The following TMEM132C variants were observed in gnomAD, a reference collection of about 807,000 sequenced individuals.
The protein encoded by TMEM132C is transmembrane protein 132C.
Under a neutral mutation model 61.4 loss-of-function variants are expected in TMEM132C, and 29 were observed. The ratio of observed to expected loss-of-function variants is 0.47; its 90% CI spans 0.35 to 0.64. The LOEUF (loss-of-function observed/expected upper bound fraction) is 0.64. Among genes scored for constraint, TMEM132C ranks in the 30% least tolerant of loss-of-function variants. The pLI is 0.00. For missense variants in TMEM132C, 1,408 were observed against 1,476.9 expected, an observed-to-expected ratio of 0.95 and a Z score of 0.76; for synonymous variants, 656 against 633.1, an observed-to-expected ratio of 1.04 and a Z score of -0.54.
chr12:128,590,282 T>G (rs1459666065), intron 3 of TMEM132C, among the ~76,000 whole-genome samples: 1 of 152,204 alleles, frequency 6.6e-6, no homozygotes, highest in Non-Finnish European at 1.5e-5. Flanking sequence ...TACTACTGCC[T>G]GTTATGATGT....
intron 2 of TMEM132C, among the ~76,000 whole-genome samples, chr12:128,525,772 T>C (rs1873066631): frequency 1.3e-5 from 2 of 152,202 alleles, no homozygotes; most frequent in South Asian, 4.1e-4. Flanking sequence ...GTTAGCCTTC[T>C]GGAGAAATAC....
intron 2 of TMEM132C, among the ~76,000 whole-genome samples, chr12:128,476,968 A>G (rs1031027906): frequency 1.3e-5 from 2 of 152,220 alleles, no homozygotes; most frequent in Non-Finnish European, 2.9e-5. Context: ...TTTCACTTGG[A>G]CTTAAAATAT....
At position 128,669,566 on chromosome 12, in the gene TMEM132C, T is replaced by C; in HGVS notation, c.1449+6T>C. On this transcript the variant is annotated splice_donor_region_variant and intron_variant, in intron 5 of 8. Coordinates refer to ENST00000435159, the MANE Select transcript of TMEM132C (RefSeq NM_001136103.3). ...CAGACGAGGACGTTATCAAAGTAAG[T>C]CATTCCACAGCCAGCTGGATGGAAC... 1.3e-6 allele frequency: 2 copies of C among 1,551,052 alleles called. No homozygotes were observed. The highest frequency in any genetic ancestry group is 2.0e-5 in the Admixed American group (1 of 50,922).
chr12:128,281,263 G>A (rs1325533079), intron 1 of TMEM132C, among the ~76,000 whole-genome samples: 2 of 152,172 alleles, frequency 1.3e-5, no homozygotes, highest in Non-Finnish European at 2.9e-5. Flanking sequence ...ACAAGAGGTG[G>A]CCCGAGTGCC....
intron 1 of TMEM132C, among the ~76,000 whole-genome samples, chr12:128,377,825 CA>C (rs1232769542): frequency 6.6e-6 from 1 of 152,190 alleles, no homozygotes; most frequent in African/African-American, 2.4e-5. Flanking sequence ...GCGGACTCGT[CA>C]ACATTGCTCT....
chr12:128,434,749 C>A (rs1402121013), intron 2 of TMEM132C, among the ~76,000 whole-genome samples: 3 of 152,086 alleles, frequency 2.0e-5, no homozygotes, highest in African/African-American at 7.2e-5. Context: ...ACTACAGGCA[C>A]ATGCCACTAT....
intron 1 of TMEM132C, among the ~76,000 whole-genome samples, chr12:128,371,244 A>G (rs771165455): frequency 1.3e-5 from 2 of 152,138 alleles, no homozygotes; most frequent in South Asian, 2.1e-4. Flanking sequence ...CCTTTTTCTC[A>G]TAGCAGCACA....
chr12:128,589,494 T>A (rs1157030378), intron 3 of TMEM132C, among the ~76,000 whole-genome samples: 1 of 152,010 alleles, frequency 6.6e-6, no homozygotes, highest in South Asian at 2.1e-4. Flanking sequence ...ATCCACAGCC[T>A]GCACCTCCCC....
At chr12:128,416,418 A>G (rs1868783775) in intron 2 of TMEM132C, among the ~76,000 whole-genome samples, 1 of 152,270 alleles carries the variant, frequency 6.6e-6, no homozygotes, top group Non-Finnish European at 1.5e-5. Context: ...TAATAATGAA[A>G]GAAGTATTTG....
chr12:128,338,646 C>A (rs1331113051), intron 1 of TMEM132C, among the ~76,000 whole-genome samples: 1 of 151,852 alleles, frequency 6.6e-6, no homozygotes, highest in East Asian at 1.9e-4. Context: ...TCTCAGCGGG[C>A]CCCCTCCCAC....
At chr12:128,575,364 A>T (rs1296949186) in intron 3 of TMEM132C, among the ~76,000 whole-genome samples, 1 of 152,214 alleles carries the variant, frequency 6.6e-6, no homozygotes, top group African/African-American at 2.4e-5. Flanking sequence ...CTATAGTCCC[A>T]GCTACTGGGG....
intron 2 of TMEM132C, among the ~76,000 whole-genome samples, chr12:128,522,547 A>C (rs1378257958): frequency 6.6e-6 from 1 of 152,198 alleles, no homozygotes; most frequent in Non-Finnish European, 1.5e-5. Context: ...AACCTTCATC[A>C]TTGGTTAGTG....
At chr12:128,639,618 T>G (rs1345763806) in intron 4 of TMEM132C, among the ~76,000 whole-genome samples, 1 of 152,196 alleles carries the variant, frequency 6.6e-6, no homozygotes, top group Non-Finnish European at 1.5e-5. Context: ...ATAAATTAAC[T>G]CTGAGAGCAG....
rs143015936 is a variant in TMEM132C, at chr12:128,497,632, G to T, written c.975-46325G>T. ...CGTGGGCATGGGACCCTCTGAGCCA[G>T]GTGCGGGATATAATCTCCTGGTGTG... On this transcript the variant is annotated intron_variant, in intron 2 of 8. Coordinates refer to ENST00000435159, the MANE Select transcript of TMEM132C (RefSeq NM_001136103.3). Among the ~76,000 whole-genome samples, 1,180 of 152,316 alleles carry T rather than the reference G, an allele frequency of 7.7e-3. 14 individuals are homozygous for T. The highest frequency in any genetic ancestry group is 0.027 in the African/African-American group (1,116 of 41,568).
intron 2 of TMEM132C, among the ~76,000 whole-genome samples, chr12:128,467,759 A>G (rs1299342646): frequency 6.6e-6 from 1 of 152,184 alleles, no homozygotes; most frequent in Non-Finnish European, 1.5e-5. Context: ...CATCTGGAGC[A>G]AGCTGCCCTC....
chr12:128,401,597 T>G (rs898944232), intron 1 of TMEM132C, among the ~76,000 whole-genome samples: 8 of 152,124 alleles, frequency 5.3e-5, no homozygotes, highest in African/African-American at 1.9e-4. Flanking sequence ...TTAGATAAGT[T>G]TCATCAAAGT....
intron 1 of TMEM132C, among the ~76,000 whole-genome samples, chr12:128,397,368 T>G (rs1460708388): frequency 3.3e-5 from 5 of 152,112 alleles, no homozygotes; most frequent in Non-Finnish European, 5.9e-5. Flanking sequence ...CCTTTTTTTG[T>G]GGTTTGTGAG....
chr12:128,635,773 C>A (rs1362904276), intron 4 of TMEM132C, among the ~76,000 whole-genome samples: 1 of 152,172 alleles, frequency 6.6e-6, no homozygotes, highest in Non-Finnish European at 1.5e-5. Flanking sequence ...GAAAAGCCAG[C>A]GCTCCCAGGT....
intron 2 of TMEM132C, among the ~76,000 whole-genome samples, chr12:128,472,247 T>G (rs968633884): frequency 1.3e-5 from 2 of 152,120 alleles, no homozygotes; most frequent in Non-Finnish European, 2.9e-5. Context: ...TTAAAGACAC[T>G]CTCTGCAGCC....
Sources: gnomAD v4.1 joint callset for allele counts (sites outside exome capture counted in the v4.1 genomes callset) on GRCh38, gnomAD v4.1.1 for gene constraint, MANE v1.5 for transcripts, NCBI Gene and HGNC (gene_info 2026-07-23, HGNC 2026-07-21) for gene names.